The following CAMTA1 variants were observed in gnomAD, a reference collection of about 807,000 sequenced individuals.
CAMTA1 encodes calmodulin binding transcription activator 1.
Under a neutral mutation model 170.9 loss-of-function variants are expected in CAMTA1, and 27 were observed. The ratio of observed to expected loss-of-function variants is 0.16; its 90% CI spans 0.12 to 0.22. CAMTA1 has a LOEUF of 0.22. CAMTA1 is among the 10% of genes least tolerant of loss of function. The pLI is 1.00. For synonymous variants in CAMTA1, 833 were observed against 891.5 expected (o/e 0.93, Z 1.17); for missense variants, 1,619 against 2,217.2 (o/e 0.73, Z 5.42).
chr1:7,554,164 G>A (rs72865467), intron 6 of CAMTA1, among the ~76,000 whole-genome samples: 5,108 of 152,152 alleles, frequency 0.034, 273 homozygotes, highest in African/African-American at 0.12. Context: ...TCCCGGGTTC[G>A]TTTCATTACA....
At chr1:7,126,831 C>T (rs926745663) in intron 4 of CAMTA1, among the ~76,000 whole-genome samples, 2 of 152,080 alleles carry the variant, frequency 1.3e-5, no homozygotes, top group African/African-American at 2.4e-5. Context: ...AGTGCAGTGG[C>T]GTGATCTCGG....
chr1:7,305,388 C>G (rs1675429092), intron 5 of CAMTA1, among the ~76,000 whole-genome samples: 1 of 26,498 alleles, frequency 3.8e-5, no homozygotes, highest in African/African-American at 2.5e-4. Context: ...CAAAACAAAG[C>G]AAAAAACCCC....
At chr1:7,242,916 C>T (rs138613305) in intron 4 of CAMTA1, among the ~76,000 whole-genome samples, 1,902 of 151,958 alleles carry the variant, frequency 0.013, 35 homozygotes, top group African/African-American at 0.043. Context: ...GAGCCGAGAT[C>T]GCACCATTGC....
rs1284846495 is a variant in CAMTA1 at position 7,663,448 on chromosome 1, T to G, written c.901T>G (p.Ser301Ala). The change falls in exon 9 of 23, where the codon TCG becomes GCG. Residue 301 changes from serine to alanine, a missense_variant. Transcript: ENST00000303635. ...EPRTGGYGSH[S>A]EVQHNDVSEG... is the part of the protein sequence containing the mutation. ...ACGGACAGGGGGGTACGGGAGCCAC[T>G]CGGAGGTGCAGCACAATGACGTGTC... 35 of 1,583,606 alleles carry G rather than the reference T, an allele frequency of 2.2e-5. No homozygotes were observed. The highest frequency in any genetic ancestry group is 2.8e-5 in the Non-Finnish European group (33 of 1,159,602).
rs536080771 is a variant in CAMTA1 at position 7,355,743 on chromosome 1, C to T, written c.438+106117C>T. Reference sequence around the variant, plus strand: ...ACCCCTGCCATGGCCTTCCACCCCTCCCCTCTCAGGTCCACACTCTAGCCT... The same window carrying T: ...ACCCCTGCCATGGCCTTCCACCCCTTCCCTCTCAGGTCCACACTCTAGCCT... On this transcript the variant is annotated intron_variant, in intron 5 of 22. Transcript: ENST00000303635. Among the ~76,000 whole-genome samples, 103 of 152,364 alleles carry T rather than the reference C, an allele frequency of 6.8e-4. No homozygotes were observed. The Middle Eastern group carries it at 0.01, about 15-fold the overall frequency.
At chr1:7,720,620 A>G (rs2096643344) in intron 11 of CAMTA1, among the ~76,000 whole-genome samples, 1 of 152,292 alleles carries the variant, frequency 6.6e-6, no homozygotes, top group East Asian at 1.9e-4. Flanking sequence ...ACCTCAAGTG[A>G]TCTGCCTGCC....
intron 6 of CAMTA1, among the ~76,000 whole-genome samples, chr1:7,493,197 A>G (rs1385507957): frequency 6.6e-6 from 1 of 150,820 alleles, no homozygotes; most frequent in African/African-American, 2.5e-5. Flanking sequence ...ACGCACACAC[A>G]CAAACACAAA....
rs558650218 is a variant in CAMTA1, at chr1:7,514,354, T to C, written c.510+46453T>C. Among the ~76,000 whole-genome samples, 10 of 152,336 alleles carry C rather than the reference T, an allele frequency of 6.6e-5. No individual in the cohort carries two copies. The South Asian group carries it at 2.1e-3, about 32-fold the overall frequency. Reference sequence around the variant, plus strand: ...GGCAGTGCCTGGGCCAGAGTCTCTCTGCTCAGGAGCCAGGTGCTCCAGAAG... The same window carrying C: ...GGCAGTGCCTGGGCCAGAGTCTCTCCGCTCAGGAGCCAGGTGCTCCAGAAG... On this transcript the variant is annotated intron_variant, in intron 6 of 22. Transcript: ENST00000303635.
At chr1:6,879,726 C>T (rs1670947916) in intron 3 of CAMTA1, among the ~76,000 whole-genome samples, 1 of 151,624 alleles carries the variant, frequency 6.6e-6, no homozygotes, top group Admixed American at 6.6e-5. Flanking sequence ...ACTCCTAGGC[C>T]CAAGCAGGCC....
At chr1:7,447,496 T>C (rs1429839348) in intron 5 of CAMTA1, among the ~76,000 whole-genome samples, 1 of 151,928 alleles carries the variant, frequency 6.6e-6, no homozygotes, top group Non-Finnish European at 1.5e-5. Flanking sequence ...AGCTTTCAGT[T>C]CCCACATGGG....
chr1:6,892,266 T>C (rs12727063), intron 3 of CAMTA1, among the ~76,000 whole-genome samples: 28,708 of 152,116 alleles, frequency 0.19, 2,782 homozygotes, highest in East Asian at 0.28. Context: ...AAATCCCAGA[T>C]TGGGCGGGTT....
At position 6,971,186 on chromosome 1, in the gene CAMTA1, G is replaced by A. The variant is rs1248049966; in HGVS notation, c.235-120118G>A. Among the ~76,000 whole-genome samples, 1 of 152,198 alleles carries A rather than the reference G, an allele frequency of 6.6e-6. No individual in the cohort carries two copies. The highest frequency in any genetic ancestry group is 1.5e-5 in the Non-Finnish European group (1 of 68,042). ...AGAGTGAGCATGAGACGTTCCTGCT[G>A]GAGAAGAGCACACGATGGGCCTCGC... On this transcript the variant is annotated intron_variant, in intron 3 of 22. Transcript: ENST00000303635. The surrounding 1 kb of genome is among the most constrained non-coding windows in gnomAD (Gnocchi z 4.6).
intron 5 of CAMTA1, among the ~76,000 whole-genome samples, chr1:7,454,258 C>T (rs924398855): frequency 1.3e-5 from 2 of 152,072 alleles, no homozygotes; most frequent in South Asian, 2.1e-4. Flanking sequence ...CACTAGGTGG[C>T]CGCCTGAGCC....
At chr1:7,675,611 A>T (rs1216020557) in intron 10 of CAMTA1, among the ~76,000 whole-genome samples, 4 of 152,068 alleles carry the variant, frequency 2.6e-5, no homozygotes, top group Non-Finnish European at 5.9e-5. Context: ...GTGCTGGATT[A>T]TGGGCCTCCC....
intron 3 of CAMTA1, among the ~76,000 whole-genome samples, chr1:7,026,375 C>T (rs1442625022): frequency 1.3e-5 from 2 of 152,068 alleles, no homozygotes. Flanking sequence ...GTGGCACGGC[C>T]TCATGTGTGA....
At chr1:6,881,808 A>T (rs1671702835) in intron 3 of CAMTA1, among the ~76,000 whole-genome samples, 1 of 152,122 alleles carries the variant, frequency 6.6e-6, no homozygotes, top group Non-Finnish European at 1.5e-5. Flanking sequence ...ACTACTAAAA[A>T]TACGAAAAAT....
rs116622494 is a variant in CAMTA1 at position 6,845,345 on chromosome 1, T to C, written c.234+20135T>C. Among the ~76,000 whole-genome samples the C allele has an allele frequency of 3.9e-3, 595 of 152,296 alleles. 4 individuals are homozygous for C. Among genetic ancestry groups the C allele is most frequent in the African/African-American group, 0.013 (559 of 41,552 alleles). ...CTCTGGCATCTCCGTTTATATCTGC[T>C]ACCACCTCTAACTACCTCGGCCCTC... On this transcript the variant is annotated intron_variant, in intron 3 of 22. Coordinates refer to ENST00000303635, the MANE Select transcript of CAMTA1 (RefSeq NM_015215.4).
chr1:7,703,737 C>T (rs1258688900), intron 11 of CAMTA1, among the ~76,000 whole-genome samples: 1 of 152,166 alleles, frequency 6.6e-6, no homozygotes, highest in African/African-American at 2.4e-5. Context: ...GGTCTCATCA[C>T]AGGTCTTGGG....
In CAMTA1 at chr1:7,212,756, T is replaced by TC. The variant is rs376411247; in HGVS notation, c.303-36733dup. On this transcript the variant is annotated intron_variant, in intron 4 of 22. Transcript: ENST00000303635. ...GATGCCCTTTTTAGCCACACCCACT[T>TC]CCTCCCCTCCCCTACACCCTCTTTG... Among the ~76,000 whole-genome samples, 439 of 152,074 alleles carry TC rather than the reference T, an allele frequency of 2.9e-3. 3 individuals carry two copies. Among genetic ancestry groups the TC allele is most frequent in the African/African-American group, 0.01 (421 of 41,506 alleles).
Sources: gnomAD v4.1 joint callset for allele counts (sites outside exome capture counted in the v4.1 genomes callset) on GRCh38, gnomAD v4.1.1 for gene constraint, Gnocchi (gnomAD v3.1) non-coding constraint, MANE v1.5 for transcripts, NCBI Gene and HGNC (gene_info 2026-07-23, HGNC 2026-07-21) for gene names.